KIF23: variants seen among roughly 807,000 people sequenced by gnomAD.
KIF23 encodes the protein kinesin-like protein KIF23.
Under a neutral mutation model 137.5 loss-of-function variants are expected in KIF23, and 30 were observed. The ratio of observed to expected loss-of-function variants is 0.22; its 90% CI spans 0.16 to 0.30. The LOEUF (loss-of-function observed/expected upper bound fraction) is 0.30. Among genes scored for constraint, KIF23 ranks in the 10% least tolerant of loss-of-function variants. The pLI is 1.00. For synonymous variants in KIF23, 367 were observed against 391.1 expected (o/e 0.94, Z 0.73); for missense variants, 920 against 1,194.3 (o/e 0.77, Z 3.38).
intron 16 of KIF23, 64 bp from the exon 17 acceptor site, chr15:69,439,840 C>A (rs1480558818): frequency 1.4e-5 from 18 of 1,259,174 alleles, no homozygotes; most frequent in Middle Eastern, 2.0e-4. Flanking sequence ...TTAAGGAAGA[C>A]TATTTTATAG....
At chr15:69,421,797 C>A in intron 4 of KIF23, 45 bp downstream of exon 4, 1 of 1,419,928 alleles carries the variant, frequency 7.0e-7, no homozygotes, top group Non-Finnish European at 9.8e-7. Flanking sequence ...CCTTTTTCTC[C>A]TCTTCTGATA....
At chr15:69,435,070 C>T (rs541800089) in intron 11 of KIF23, 73 of 501,628 alleles carry the variant, frequency 1.5e-4, no homozygotes, top group Non-Finnish European at 1.5e-4. Context: ...AGACGATATT[C>T]TTCCCCCACC....
chr15:69,447,915 GA>G lies in KIF23; in HGVS notation c.*112del. Reference sequence around the variant, plus strand: ...CATCTTGTAGAACTCCAGCTTTGTTGAAAATCACGGACCTCAGCTACATCAT... The same window carrying G: ...CATCTTGTAGAACTCCAGCTTTGTTGAAATCACGGACCTCAGCTACATCAT... On this transcript the variant is annotated 3_prime_UTR_variant, in exon 24 of 24. Transcript: ENST00000679126. The G allele has an allele frequency of 8.7e-7, 1 of 1,143,898 alleles. No homozygotes were observed. Among genetic ancestry groups the G allele is most frequent in the Non-Finnish European group, 1.3e-6 (1 of 771,060 alleles). The allele number at this position is 1,143,898 out of a possible 1,614,324, so 70.9% of individuals were successfully genotyped here. A position where few individuals can be genotyped will look rare whatever the true frequency, so the allele number is the denominator to read the frequency against.
Position 69,436,678 on chromosome 15 carries a change from G to T in KIF23, c.1553G>T (p.Arg518Leu), listed in dbSNP as rs1229690770. 1 of 1,605,620 alleles carries T rather than the reference G, an allele frequency of 6.2e-7. No individual in the cohort carries two copies. Among genetic ancestry groups the T allele is most frequent in the South Asian group, 1.1e-5 (1 of 89,468 alleles). Residue 518 changes from arginine (R) to leucine (L), a missense_variant, in exon 15 of 24, where the codon CGA (arginine) becomes CTA (leucine). Transcript: ENST00000679126. ...AGGCTGATTGAAGCCTTAGAGAAAC[G>T]ACATAACTTACGACAAATGATGATT... ...LPRLIEALEK[R>L]HNLRQMMIDE...
At position 69,427,351 on chromosome 15, in the gene KIF23, T is replaced by C. The variant is rs775493341; in HGVS notation, c.1011+894T>C. 93 of 454,874 alleles carry C rather than the reference T, an allele frequency of 2.0e-4. 1 individual carries two copies. The Middle Eastern group carries it at 0.02, about 99-fold the overall frequency. The allele number at this position is 454,874 out of a possible 1,614,324, so 28.2% of individuals were successfully genotyped here. ...ATGTAGGCGATGACATTAAAACTTTTTTTTCCCCATTATTATAGTTTTGGG... is the reference window on the plus strand; with the variant it reads ...ATGTAGGCGATGACATTAAAACTTTCTTTTCCCCATTATTATAGTTTTGGG... On this transcript the variant is annotated intron_variant, in intron 10 of 23. Coordinates refer to ENST00000679126, the MANE Select transcript of KIF23 (RefSeq NM_001367805.3).
chr15:69,434,936 C>T (rs1220365557), intron 11 of KIF23: 16 of 678,144 alleles, frequency 2.4e-5, no homozygotes, highest in East Asian at 5.2e-5. Flanking sequence ...TGCAGCTGTA[C>T]GCGGGCATGA....
chr15:69,441,272 A>T (rs749910519), intron 19 of KIF23, among the ~76,000 whole-genome samples, 193 bp downstream of exon 19: 1 of 152,200 alleles, frequency 6.6e-6, no homozygotes, highest in East Asian at 1.9e-4. Flanking sequence ...GCCTAAACAC[A>T]TCTGGCAGCG....
intron 11 of KIF23, among the ~76,000 whole-genome samples, chr15:69,431,535 A>T (rs1289189283): frequency 6.6e-6 from 1 of 151,950 alleles, no homozygotes; most frequent in East Asian, 1.9e-4. Context: ...AATGGCGTGA[A>T]CCCGTGAAGC....
At chr15:69,422,225 T>C in intron 5 of KIF23, 97 bp downstream of exon 5, 1 of 1,474,922 alleles carries the variant, frequency 6.8e-7, no homozygotes, top group Non-Finnish European at 9.3e-7. Context: ...GGATTCATTT[T>C]GAAACCTTAA....
In KIF23 at chr15:69,423,471, G is replaced by A. The variant is rs905526509; in HGVS notation, c.734+142G>A. 3.0e-5 allele frequency: 17 copies of A among 566,478 alleles called. No homozygotes were observed. The Admixed American group carries it at 3.6e-4, about 12-fold the overall frequency. The allele number at this position is 566,478 out of a possible 1,614,324, so 35.1% of individuals were successfully genotyped here. A position where few individuals can be genotyped will look rare whatever the true frequency, so the allele number is the denominator to read the frequency against. ...TGAAATGATATAATTTGTATATCAC[G>A]TGGTTTTGTGTTTGAGTATGTTTAT... On this transcript the variant is annotated intron_variant, in intron 7 of 23. Coordinates refer to ENST00000679126, the MANE Select transcript of KIF23 (RefSeq NM_001367805.3).
chr15:69,443,332 T>TG (rs2057668348), intron 19 of KIF23, among the ~76,000 whole-genome samples: 1 of 112,772 alleles, frequency 8.9e-6, no homozygotes, highest in Non-Finnish European at 1.8e-5. Context: ...TTGGGTTTTT[T>TG]TTTTTTTTTT....
In KIF23 at chr15:69,422,101, T is replaced by C; in HGVS notation, c.426T>C (p.Ser142=). 6.2e-7 allele frequency: 1 copy of C among 1,613,946 alleles called. No homozygotes were observed. Among genetic ancestry groups the C allele is most frequent in the East Asian group, 2.2e-5 (1 of 44,882 alleles). Residue 142 remains serine (S), a synonymous_variant, in exon 5 of 24, where the codon AGT becomes AGC. Coordinates refer to ENST00000679126, the MANE Select transcript of KIF23 (RefSeq NM_001367805.3). The stretch of plus-strand genomic sequence containing the variant: ...GTTGTTTGGACATGATCTTTAACAG[T>C]ATAGGGTCATTTCAAGCTAAACGAT... ...LPRCLDMIFN[S]IGSFQAKRYV... is the part of the protein sequence containing the mutation.
intron 10 of KIF23, among the ~76,000 whole-genome samples, chr15:69,426,915 A>G (rs895302099): frequency 2.6e-5 from 4 of 152,178 alleles, no homozygotes; most frequent in Non-Finnish European, 4.4e-5. Context: ...CTTAAACAAT[A>G]CAGTATAACA....
chr15:69,427,279 G>A (rs1304149637), intron 10 of KIF23: 4 of 394,206 alleles, frequency 1.0e-5, no homozygotes, highest in Non-Finnish European at 2.0e-5. Flanking sequence ...AGTATCCATA[G>A]GAGATCCTAC....
At chr15:69,437,404 A>C (rs1409856565) in intron 15 of KIF23, among the ~76,000 whole-genome samples, 2 of 152,002 alleles carry the variant, frequency 1.3e-5, no homozygotes, top group Non-Finnish European at 2.9e-5. Flanking sequence ...AATCCTGTAG[A>C]ACAGTAAATT....
intron 10 of KIF23, among the ~76,000 whole-genome samples, chr15:69,428,584 C>T (rs975149797): frequency 1.4e-5 from 2 of 142,816 alleles, no homozygotes; most frequent in African/African-American, 5.4e-5. Flanking sequence ...CGCTTGAACC[C>T]AGGAGGGGGA....
intron 23 of KIF23, among the ~76,000 whole-genome samples, chr15:69,447,318 C>G (rs2057761698): frequency 6.6e-6 from 1 of 152,068 alleles, no homozygotes; most frequent in South Asian, 2.1e-4. Flanking sequence ...TGACTTGCTT[C>G]TTGGTCTTGG....
intron 11 of KIF23, chr15:69,434,670 T>C: frequency 1.4e-6 from 2 of 1,481,244 alleles, no homozygotes; most frequent in South Asian, 2.3e-5. Context: ...CCCTCCTGTC[T>C]TGAGTTCGCC....
chr15:69,434,344 G>T, intron 11 of KIF23: 1 of 220,444 alleles, frequency 4.5e-6, no homozygotes, highest in Non-Finnish European at 9.2e-6. Flanking sequence ...TTTGAGTTGA[G>T]CCACAGCAAT....
Sources: allele counts gnomAD v4.1 joint callset (sites outside exome capture counted in the v4.1 genomes callset), GRCh38; gene constraint gnomAD v4.1.1; transcripts MANE v1.5; gene names NCBI Gene and HGNC (gene_info 2026-07-23, HGNC 2026-07-21).